Variants in AGTPBP1 observed in about 807,000 individuals in gnomAD.
AGTPBP1 encodes cytosolic carboxypeptidase 1.
In AGTPBP1, 70 loss-of-function variants were observed where a neutral mutation model predicts 143.9. That is an observed-to-expected ratio of 0.49 (90% confidence interval 0.40 to 0.59). AGTPBP1 has a LOEUF of 0.59. AGTPBP1 is among the 20% of genes least tolerant of loss of function. The pLI is 0.00. For synonymous variants in AGTPBP1, 463 were observed against 500.2 expected, an observed-to-expected ratio of 0.93 and a Z score of 0.99; for missense variants, 1,229 against 1,464.5, an observed-to-expected ratio of 0.84 and a Z score of 2.62.
At chr9:85,739,234 C>T (rs963392213) in intron 1 of AGTPBP1, among the ~76,000 whole-genome samples, 1 of 152,128 alleles carries the variant, frequency 6.6e-6, no homozygotes, top group Non-Finnish European at 1.5e-5. Context: ...CAGTGCCCAC[C>T]CTACAAAATT....
At chr9:85,565,551 G>C (rs1355565520) in intron 25 of AGTPBP1, among the ~76,000 whole-genome samples, 1 of 152,144 alleles carries the variant, frequency 6.6e-6, no homozygotes, top group Non-Finnish European at 1.5e-5. Flanking sequence ...GAAGAGCACA[G>C]ACAATAAAGA....
chr9:85,648,103 C>G (rs1408029263), intron 11 of AGTPBP1, among the ~76,000 whole-genome samples: 1 of 152,166 alleles, frequency 6.6e-6, no homozygotes, highest in Non-Finnish European at 1.5e-5. Context: ...AATCCTAGCT[C>G]CCGAACTTAC....
chr9:85,693,002 TAA>T (rs1408468960), intron 2 of AGTPBP1, among the ~76,000 whole-genome samples, 189 bp from the exon 3 acceptor site: 1 of 152,238 alleles, frequency 6.6e-6, no homozygotes, highest in Non-Finnish European at 1.5e-5. Flanking sequence ...TCTACTGACT[TAA>T]GTGAGAAACA....
chr9:85,785,333 CA>C, the AGTPBP1 span, among the ~76,000 whole-genome samples: 2 of 135,926 alleles, frequency 1.5e-5, no homozygotes, highest in Non-Finnish European at 3.1e-5. Flanking sequence ...GACTCCGTCT[CA>C]AAAAAAAACA....
Position 85,621,182 on chromosome 9 carries a change from T to G in AGTPBP1, c.2099+20A>C, listed in dbSNP as rs954393045. 3.0e-6 allele frequency: 4 copies of G among 1,350,524 alleles called. No individual in the cohort carries two copies. Among genetic ancestry groups the G allele is most frequent in the Admixed American group, 2.8e-5 (1 of 35,158 alleles). 83.7% of individuals were successfully genotyped at this position (1,350,524 alleles called of 1,614,324 possible). ...AGAAAAACTTAAAACTAATAAAAGT[T>G]CATTAAAATCAAGACTTACTTTGGG... On this transcript the variant is annotated intron_variant, in intron 15 of 25. Coordinates refer to ENST00000357081, the MANE Select transcript of AGTPBP1 (RefSeq NM_001330701.2).
chr9:85,657,670 A>C (rs774290862), intron 9 of AGTPBP1, 27 bp from the exon 10 acceptor site: 1 of 1,546,030 alleles, frequency 6.5e-7, no homozygotes, highest in Admixed American at 1.9e-5. Context: ...TTGAGAAAGA[A>C]TATTTTTTAA....
chr9:85,561,466 G>A (rs1342983475), intron 25 of AGTPBP1, among the ~76,000 whole-genome samples: 2 of 151,854 alleles, frequency 1.3e-5, no homozygotes, highest in Admixed American at 6.6e-5. Context: ...TAACAGTGGA[G>A]GACAGAAGAC....
intron 2 of AGTPBP1, among the ~76,000 whole-genome samples, chr9:85,693,201 T>C (rs750912486): frequency 1.3e-5 from 2 of 152,202 alleles, no homozygotes; most frequent in Non-Finnish European, 2.9e-5. Flanking sequence ...GCTTCATAAC[T>C]GGTATAAATC....
Position 85,642,915 on chromosome 9 carries a change from T to C in AGTPBP1, c.1214A>G (p.Lys405Arg), listed in dbSNP as rs1448859909. The C allele has an allele frequency of 2.5e-6, 4 of 1,613,380 alleles. No individual in the cohort carries two copies. Among genetic ancestry groups the C allele is most frequent in the Non-Finnish European group, 3.4e-6 (4 of 1,179,664 alleles). ...TCCCGGTTCTTGCTGGGGTTTTAGT[T>C]TGTTAATATCTGTTTCAATATCATC... ...KNDDIETDIN[K>R]LKPQQEPGRT... The change falls in exon 13 of 26, where the codon AAA (lysine) becomes AGA (arginine). Residue 405 changes from lysine to arginine, a missense_variant. Around this residue, in one of 2 missense-constraint regions of AGTPBP1, gnomAD observed 743 missense variants for 812.2 expected, o/e 0.91. Coordinates refer to ENST00000357081, the MANE Select transcript of AGTPBP1 (RefSeq NM_001330701.2).
intron 25 of AGTPBP1, among the ~76,000 whole-genome samples, chr9:85,552,305 G>A (rs1171402251): frequency 6.6e-6 from 1 of 152,186 alleles, no homozygotes; most frequent in Non-Finnish European, 1.5e-5. Flanking sequence ...ACTTTATGCA[G>A]ATTCAGAAAG....
intron 25 of AGTPBP1, among the ~76,000 whole-genome samples, chr9:85,572,004 G>GTCTTTTT: frequency 2.3e-5 from 1 of 43,434 alleles, no homozygotes; most frequent in Non-Finnish European, 5.0e-5. Context: ...GTTTGTGTGT[G>GTCTTTTT]TTTTTTTTTT....
At chr9:85,697,944 C>T (rs578032578) in intron 2 of AGTPBP1, among the ~76,000 whole-genome samples, 89 of 152,258 alleles carry the variant, frequency 5.8e-4, no homozygotes, top group Non-Finnish European at 1.0e-3. Flanking sequence ...TATAAGTCAC[C>T]ACAATCTGTG....
intron 14 of AGTPBP1, among the ~76,000 whole-genome samples, chr9:85,627,267 C>T (rs1831361508): frequency 6.6e-6 from 1 of 152,120 alleles, no homozygotes; most frequent in African/African-American, 2.4e-5. Context: ...CGCACACACA[C>T]ACACAGAGTG....
the AGTPBP1 span, chr9:85,788,086 G>GT: frequency 6.6e-6 from 1 of 152,054 alleles, no homozygotes; most frequent in Non-Finnish European, 1.5e-5. Flanking sequence ...AAGGAAAATA[G>GT]TTTATCTCTT....
intron 1 of AGTPBP1, among the ~76,000 whole-genome samples, chr9:85,716,235 C>G (rs1246999902): frequency 2.0e-5 from 3 of 152,224 alleles, no homozygotes; most frequent in Non-Finnish European, 2.9e-5. Context: ...CAGCTGACCA[C>G]ATCCTCTTCT....
At chr9:85,783,830 G>A in the AGTPBP1 span, among the ~76,000 whole-genome samples, 28 of 151,906 alleles carry the variant, frequency 1.8e-4, no homozygotes, top group Middle Eastern at 3.2e-3. Context: ...AGACCATGTC[G>A]GCCAGGCTGG....
At position 85,629,013 on chromosome 9, in the gene AGTPBP1, CCAA is replaced by C. The variant is rs1265713375; in HGVS notation, c.2015+3646_2015+3648del. 2.0e-5 allele frequency among the ~76,000 whole-genome samples: 3 copies of C among 152,186 alleles called. No individual in the cohort carries two copies. In the East Asian group the frequency reaches 5.8e-4, roughly 29 times the overall value. ...TACAGGCATGAGCCACCACGCCCAG[CCAA>C]CAACAGAGTTTTGAATTTCCAGGTT... On this transcript the variant is annotated intron_variant, in intron 14 of 25. Coordinates refer to ENST00000357081, the MANE Select transcript of AGTPBP1 (RefSeq NM_001330701.2).
chr9:85,629,491 G>C (rs1831521729), intron 14 of AGTPBP1, among the ~76,000 whole-genome samples: 1 of 152,128 alleles, frequency 6.6e-6, no homozygotes, highest in African/African-American at 2.4e-5. Flanking sequence ...TGGAACCATG[G>C]ATAGAACAAT....
chr9:85,650,256 C>G (rs1189385467), intron 11 of AGTPBP1, among the ~76,000 whole-genome samples: 4 of 151,980 alleles, frequency 2.6e-5, no homozygotes, highest in African/African-American at 9.7e-5. Context: ...CACAGTGACC[C>G]TTGAAAAATG....
Sources: allele counts gnomAD v4.1 joint callset (sites outside exome capture counted in the v4.1 genomes callset), GRCh38; gene constraint gnomAD v4.1.1; regional missense constraint gnomAD v4.1.1; transcripts MANE v1.5; gene names NCBI Gene and HGNC (gene_info 2026-07-23, HGNC 2026-07-21).